MAST4: variants seen among roughly 807,000 people sequenced by gnomAD.
MAST4 encodes the protein microtubule-associated serine/threonine-protein kinase 4.
Under a neutral mutation model 162.7 loss-of-function variants are expected in MAST4, and 89 were observed. That is an observed-to-expected ratio of 0.55 (90% CI 0.46 to 0.65). MAST4 has a LOEUF of 0.65. Among genes scored for constraint, MAST4 ranks in the 30% least tolerant of loss-of-function variants. The probability of loss-of-function intolerance (pLI) is 0.00; values close to 1 mark genes in which losing one functional copy is unlikely to be tolerated. For synonymous variants in MAST4, 1,479 were observed against 1,361.1 expected (o/e 1.09, Z -1.91); for missense variants, 3,153 against 3,374.0 (o/e 0.93, Z 1.62).
At chr5:67,049,995 A>C (rs1268475805) in intron 4 of MAST4, among the ~76,000 whole-genome samples, 2 of 152,148 alleles carry the variant, frequency 1.3e-5, no homozygotes, top group Admixed American at 1.3e-4. Context: ...AGCCTTTCTT[A>C]TGGAGCACAG....
chr5:66,932,560 C>T lies in MAST4; in HGVS notation c.674+32578C>T, dbSNP rs188253985. 7.4e-4 allele frequency among the ~76,000 whole-genome samples: 112 copies of T among 152,252 alleles called. 1 individual carries two copies. The South Asian group carries it at 0.017, about 23-fold the overall frequency. On this transcript the variant is annotated intron_variant, in intron 4 of 28. Transcript: ENST00000403625. ...TTGTGCTTATGCTTTGAATTAAATT[C>T]CTTGCATGGCTGATTCTTATTTAAG...
chr5:66,822,146 A>G (rs1036039314), intron 3 of MAST4, among the ~76,000 whole-genome samples: 2 of 152,224 alleles, frequency 1.3e-5, no homozygotes, highest in South Asian at 2.1e-4. Context: ...CAAAGCCTGC[A>G]TGGGGACTGG....
rs186559324 is a variant in MAST4, at chr5:67,030,622, T to G, written c.675-23782T>G. On this transcript the variant is annotated intron_variant, in intron 4 of 28. Transcript: ENST00000403625. ...ATCTGTTTTGTATTAGTAATGAGGT[T>G]GTGGTTTTAAGCCCTTCCATTCTGT... Among the ~76,000 whole-genome samples, 51 of 152,300 alleles carry G rather than the reference T, an allele frequency of 3.3e-4. No individual in the cohort carries two copies. In the East Asian group the frequency reaches 9.3e-3, roughly 28 times the overall value.
chr5:66,740,438 A>G (rs1752421587), intron 1 of MAST4, among the ~76,000 whole-genome samples: 1 of 152,156 alleles, frequency 6.6e-6, no homozygotes, highest in South Asian at 2.1e-4. Context: ...AAAATGCTGT[A>G]TTTTCTACCT....
intron 5 of MAST4, among the ~76,000 whole-genome samples, chr5:67,071,052 C>T (rs1475680227): frequency 1.3e-5 from 2 of 152,112 alleles, no homozygotes; most frequent in African/African-American, 4.8e-5. Context: ...AATAATATGC[C>T]TTTTTGGTGG....
At chr5:66,629,134 A>G (rs188748532) in intron 1 of MAST4, among the ~76,000 whole-genome samples, 3 of 152,340 alleles carry the variant, frequency 2.0e-5, no homozygotes, top group East Asian at 3.9e-4. Context: ...TCGGAAATTG[A>G]GCCTGCATTG....
chr5:66,749,175 C>A (rs1473147298), intron 1 of MAST4, among the ~76,000 whole-genome samples: 1 of 152,024 alleles, frequency 6.6e-6, no homozygotes, highest in Admixed American at 6.5e-5. Flanking sequence ...TCACTTGTTA[C>A]TGAGTGTGTC....
At chr5:67,004,704 T>C (rs977874077) in intron 4 of MAST4, 1 of 357,224 alleles carries the variant, frequency 2.8e-6, no homozygotes, top group East Asian at 5.3e-5. Flanking sequence ...AATTACTGTT[T>C]ATAGCTGGCC....
chr5:66,699,195 CT>C (rs1749606694), intron 1 of MAST4, among the ~76,000 whole-genome samples: 1 of 152,138 alleles, frequency 6.6e-6, no homozygotes, highest in Non-Finnish European at 1.5e-5. Context: ...ATCTCAGAGT[CT>C]TTGGGTTTGC....
chr5:66,661,510 C>T (rs1214235789), intron 1 of MAST4, among the ~76,000 whole-genome samples: 1 of 152,020 alleles, frequency 6.6e-6, no homozygotes. Context: ...TTAGTTTTTG[C>T]CAGGCAAGTT....
chr5:67,087,888 G>A (rs1414528752), intron 5 of MAST4, among the ~76,000 whole-genome samples: 4 of 152,218 alleles, frequency 2.6e-5, no homozygotes, highest in Non-Finnish European at 4.4e-5. Context: ...TTACAGCAGT[G>A]TAGTAGATGA....
intron 23 of MAST4, among the ~76,000 whole-genome samples, chr5:67,146,736 C>T (rs1038537644): frequency 6.6e-6 from 1 of 152,090 alleles, no homozygotes; most frequent in African/African-American, 2.4e-5. Context: ...TCTCTGTCTT[C>T]ACTTCAGTTC....
intron 4 of MAST4, among the ~76,000 whole-genome samples, chr5:66,967,964 A>G (rs1426147808): frequency 6.6e-6 from 1 of 152,176 alleles, no homozygotes; most frequent in Non-Finnish European, 1.5e-5. Flanking sequence ...TAATGGTGAC[A>G]TCAGTGCCTC....
chr5:66,599,641 G>C (rs1742425690), intron 1 of MAST4, among the ~76,000 whole-genome samples: 1 of 152,190 alleles, frequency 6.6e-6, no homozygotes. Context: ...AAGTTGGGTT[G>C]TCCTGTTATT....
At chr5:67,110,467 C>T (rs1032760574) in intron 11 of MAST4, among the ~76,000 whole-genome samples, 1 of 152,190 alleles carries the variant, frequency 6.6e-6, no homozygotes, top group Non-Finnish European at 1.5e-5. Flanking sequence ...TGTACTTGAC[C>T]TTATCTCAGC....
intron 1 of MAST4, among the ~76,000 whole-genome samples, chr5:66,681,716 G>T (rs1748339877): frequency 2.0e-5 from 3 of 152,190 alleles, no homozygotes; most frequent in Non-Finnish European, 4.4e-5. Context: ...AGGAGGATCT[G>T]GGTGTTTTGG....
chr5:67,166,487 C>T lies in MAST4; in HGVS notation c.7308C>T (p.Gly2436=). ...CGACGGAGGCAGACAAGCCCAATGG[C>T]ATGAAACGGTCCCCCTCAGCCACTG... ...KPPTEADKPN[G]MKRSPSATGQ... Residue 2436 remains glycine, a synonymous_variant, in exon 29 of 29, where the codon GGC becomes GGT. Coordinates refer to ENST00000403625, the MANE Select transcript of MAST4 (RefSeq NM_001164664.2). The T allele has an allele frequency of 6.2e-7, 1 of 1,604,678 alleles. No homozygotes were observed. Among genetic ancestry groups the T allele is most frequent in the Non-Finnish European group, 8.5e-7 (1 of 1,175,612 alleles).
intron 3 of MAST4, among the ~76,000 whole-genome samples, chr5:66,814,058 G>A (rs1297869573): frequency 6.6e-6 from 1 of 152,184 alleles, no homozygotes. Flanking sequence ...GGACCTGTGT[G>A]GGTTAAGAGG....
chr5:67,122,537 C>T (rs1447046445), intron 14 of MAST4, among the ~76,000 whole-genome samples: 1 of 152,136 alleles, frequency 6.6e-6, no homozygotes, highest in East Asian at 1.9e-4. Flanking sequence ...TTTGTGGTTT[C>T]TACTTGCTTA....
Sources: allele counts gnomAD v4.1 joint callset (sites outside exome capture counted in the v4.1 genomes callset), GRCh38; gene constraint gnomAD v4.1.1; transcripts MANE v1.5; gene names NCBI Gene and HGNC (gene_info 2026-07-23, HGNC 2026-07-21).